The following SORCS3 variants were observed in gnomAD, a reference collection of about 807,000 sequenced individuals.
SORCS3 encodes the protein sortilin related VPS10 domain containing receptor 3.
SORCS3 carries 57 observed loss-of-function variants against 146.3 expected under a neutral mutation model. The ratio of observed to expected loss-of-function variants is 0.39; its 90% CI spans 0.31 to 0.49. SORCS3 has a LOEUF of 0.49. SORCS3 is among the 20% of genes least tolerant of loss of function. The pLI is 0.92. For synonymous variants in SORCS3, 653 were observed against 618.5 expected, an observed-to-expected ratio of 1.06 and a Z score of -0.83; for missense variants, 1,341 against 1,575.5, an observed-to-expected ratio of 0.85 and a Z score of 2.52.
chr10:105,200,467 C>T (rs368295635), intron 15 of SORCS3, among the ~76,000 whole-genome samples: 139 of 152,080 alleles, frequency 9.1e-4, no homozygotes, highest in Middle Eastern at 3.4e-3. Context: ...ATGTGGAGGG[C>T]GAGAGCATTT....
At chr10:104,908,398 CA>C (rs1311791615) in intron 2 of SORCS3, among the ~76,000 whole-genome samples, 1 of 152,176 alleles carries the variant, frequency 6.6e-6, no homozygotes, top group Admixed American at 6.5e-5. Context: ...ACAATACAAT[CA>C]GGGGTATTCA....
intron 3 of SORCS3, among the ~76,000 whole-genome samples, chr10:104,970,812 G>T (rs1328113632): frequency 6.6e-6 from 1 of 152,088 alleles, no homozygotes; most frequent in African/African-American, 2.4e-5. Flanking sequence ...ACCTAAATTT[G>T]TTTTAAAGCT....
At chr10:104,892,946 A>G (rs1219298257) in intron 2 of SORCS3, among the ~76,000 whole-genome samples, 2 of 152,066 alleles carry the variant, frequency 1.3e-5, no homozygotes, top group Non-Finnish European at 2.9e-5. Flanking sequence ...GGATCCTCAT[A>G]CATGCCATTC....
chr10:104,888,808 T>C (rs1203094876), intron 2 of SORCS3, among the ~76,000 whole-genome samples: 1 of 152,120 alleles, frequency 6.6e-6, no homozygotes, highest in African/African-American at 2.4e-5. Context: ...AGCCTTTCAG[T>C]TTGTGAGTTG....
chr10:104,665,657 G>T (rs2015765773), intron 1 of SORCS3: 1 of 152,230 alleles, frequency 6.6e-6, no homozygotes, highest in Non-Finnish European at 1.5e-5. Context: ...GGTTGGGCTT[G>T]CTTTTAGAGG....
intron 1 of SORCS3, among the ~76,000 whole-genome samples, chr10:104,696,082 TAC>T (rs2016177923): frequency 5.5e-5 from 1 of 18,142 alleles, no homozygotes; most frequent in East Asian, 1.8e-3. Context: ...ATATATCATA[TAC>T]ACATATATAA....
chr10:104,974,792 G>A (rs529495869), intron 3 of SORCS3, among the ~76,000 whole-genome samples: 1 of 152,238 alleles, frequency 6.6e-6, no homozygotes, highest in South Asian at 2.1e-4. Context: ...TCCTAGCCTT[G>A]ATGATCTTTA....
intron 7 of SORCS3, 90 bp downstream of exon 7, chr10:105,105,605 G>A: frequency 1.1e-6 from 1 of 887,722 alleles, no homozygotes. Context: ...TCCCAAGGTT[G>A]TGAAGATGTG....
At chr10:104,655,570 A>G (rs549997049) in intron 1 of SORCS3, among the ~76,000 whole-genome samples, 3 of 152,310 alleles carry the variant, frequency 2.0e-5, no homozygotes, top group Admixed American at 6.5e-5. Context: ...ATAGCCAATT[A>G]ATATGGTTTG....
At chr10:105,215,773 T>C (rs1257394793) in intron 18 of SORCS3, among the ~76,000 whole-genome samples, 1 of 152,004 alleles carries the variant, frequency 6.6e-6, no homozygotes, top group Non-Finnish European at 1.5e-5. Context: ...TGGGCTGCCA[T>C]GGGGGAAGAA....
chr10:104,833,052 C>G (rs758492711), intron 1 of SORCS3, among the ~76,000 whole-genome samples: 6 of 152,160 alleles, frequency 3.9e-5, no homozygotes, highest in Non-Finnish European at 8.8e-5. Flanking sequence ...TGTATCAGTC[C>G]AGGTGCTCTG....
At chr10:104,860,606 A>C (rs1220048411) in intron 2 of SORCS3, among the ~76,000 whole-genome samples, 1 of 152,136 alleles carries the variant, frequency 6.6e-6, no homozygotes, top group Non-Finnish European at 1.5e-5. Context: ...AATGAAAACA[A>C]CAACAGCAGC....
chr10:105,217,273 T>C (rs2056671092), intron 19 of SORCS3, 151 bp downstream of exon 19: 3 of 717,152 alleles, frequency 4.2e-6, no homozygotes, highest in Non-Finnish European at 6.9e-6. Context: ...TCATCTGTGT[T>C]TCTGAGTATT....
At chr10:104,729,698 T>C (rs2133451970) in intron 1 of SORCS3, among the ~76,000 whole-genome samples, 1 of 152,342 alleles carries the variant, frequency 6.6e-6, no homozygotes, top group South Asian at 2.1e-4. Flanking sequence ...TGTCAAGTGC[T>C]GTATGTATCA....
In SORCS3 at chr10:104,959,295, A is replaced by T. The variant is rs186309995; in HGVS notation, c.796-18040A>T. Among the ~76,000 whole-genome samples, 264 of 152,280 alleles carry T rather than the reference A, an allele frequency of 1.7e-3. 1 individual carries two copies. Among genetic ancestry groups the T allele is most frequent in the Middle Eastern group, 3.4e-3 (1 of 294 alleles). ...ATCGTAGGATTCATATAAAATTTTAACCACCCCCAGTGTGAGGGTATTTGG... is the reference window on the plus strand; with the variant it reads ...ATCGTAGGATTCATATAAAATTTTATCCACCCCCAGTGTGAGGGTATTTGG... On this transcript the variant is annotated intron_variant, in intron 3 of 26. Coordinates refer to ENST00000369701, the MANE Select transcript of SORCS3 (RefSeq NM_014978.3).
chr10:104,896,922 C>T (rs7901022), intron 2 of SORCS3, among the ~76,000 whole-genome samples: 55,922 of 151,940 alleles, frequency 0.37, 13,419 homozygotes, highest in African/African-American at 0.69. Context: ...ACAGAAAAAG[C>T]TTACTGTCCC....
intron 1 of SORCS3, among the ~76,000 whole-genome samples, chr10:104,804,872 G>A (rs2017663903): frequency 6.6e-6 from 1 of 152,166 alleles, no homozygotes; most frequent in Non-Finnish European, 1.5e-5. Flanking sequence ...CCTCCTGTGT[G>A]CCTTAGGAAA....
intron 22 of SORCS3, among the ~76,000 whole-genome samples, chr10:105,248,280 C>T (rs1425882648): frequency 6.6e-6 from 1 of 152,170 alleles, no homozygotes; most frequent in East Asian, 1.9e-4. Context: ...CAGTATGATT[C>T]ACGCTATCCA....
chr10:104,967,909 C>T (rs576175216), intron 3 of SORCS3, among the ~76,000 whole-genome samples: 1 of 152,082 alleles, frequency 6.6e-6, no homozygotes, highest in Non-Finnish European at 1.5e-5. Flanking sequence ...ATCTGCCCAC[C>T]TCAGGCTCCC....
Sources: gnomAD v4.1 joint callset for allele counts (sites outside exome capture counted in the v4.1 genomes callset) on GRCh38, gnomAD v4.1.1 for gene constraint, MANE v1.5 for transcripts, NCBI Gene and HGNC (gene_info 2026-07-23, HGNC 2026-07-21) for gene names.